PKD1L3: variants seen among roughly 807,000 people sequenced by gnomAD.
PKD1L3 encodes polycystin-1-like protein 3.
A neutral mutation model predicts 184.1 loss-of-function variants in PKD1L3; 239 were observed. The observed-to-expected ratio is 1.30, with a 90% CI of 1.17 to 1.45. The LOEUF (loss-of-function observed/expected upper bound fraction) is 1.45, where lower values mean the gene tolerates loss of function less well. Among genes scored for constraint, PKD1L3 ranks in the 40% most tolerant of loss-of-function variants. PKD1L3 has a pLI of 0.00. For synonymous variants in PKD1L3, 996 were observed against 778.8 expected (o/e 1.28, Z -4.64); for missense variants, 2,660 against 2,067.2 (o/e 1.29, Z -5.56).
intron 16 of PKD1L3, among the ~76,000 whole-genome samples, chr16:71,956,932 A>G (rs115348175): frequency 0.011 from 1,689 of 152,346 alleles, 33 homozygotes; most frequent in African/African-American, 0.037. Context: ...TTAAGAATCT[A>G]TATGATGGAC....
chr16:71,940,326 C>T (rs938116814), intron 24 of PKD1L3, among the ~76,000 whole-genome samples: 1 of 152,018 alleles, frequency 6.6e-6, no homozygotes, highest in African/African-American at 2.4e-5. Flanking sequence ...AGTTTACGTG[C>T]TGCATGGTGA....
intron 15 of PKD1L3, 44 bp downstream of exon 15, chr16:71,967,093 A>T: frequency 6.6e-7 from 1 of 1,510,920 alleles, no homozygotes; most frequent in East Asian, 2.5e-5. Flanking sequence ...TCTCTCTTGG[A>T]TCCACAAAGC....
chr16:71,968,371 T>G (rs2039579997), intron 13 of PKD1L3, among the ~76,000 whole-genome samples: 2 of 152,272 alleles, frequency 1.3e-5, no homozygotes, highest in South Asian at 4.1e-4. Context: ...ACACTTACAC[T>G]AACGATGCAC....
In PKD1L3 at chr16:71,980,114, C is replaced by T; in HGVS notation, c.1164G>A (p.Met388Ile). ...CGATATTCCCAAACTCCACCAAGGA[C>T]ATTTCCAGGATGTCTTCTACCTGCA... Reference protein sequence around the residue: ...HTEPVEDILEMSLVEFGNIGE... With the variant: ...HTEPVEDILEISLVEFGNIGE... Residue 388 changes from methionine (M) to isoleucine (I), a missense_variant, in exon 8 of 30, where the codon ATG (methionine) becomes ATA (isoleucine). Coordinates refer to ENST00000620267, the MANE Select transcript of PKD1L3 (RefSeq NM_181536.2). The T allele has an allele frequency of 6.4e-7, 1 of 1,551,668 alleles. No homozygotes were observed. The highest frequency in any genetic ancestry group is 1.2e-5 in the South Asian group (1 of 84,058).
At chr16:71,934,712 G>C (rs887864228) in intron 26 of PKD1L3, among the ~76,000 whole-genome samples, 2 of 152,062 alleles carry the variant, frequency 1.3e-5, no homozygotes, top group African/African-American at 4.8e-5. Context: ...ACAGACACTA[G>C]CAAGTGGCAC....
At chr16:71,948,825 A>AAAAAAAAAAAT (rs2038720232) in intron 21 of PKD1L3, among the ~76,000 whole-genome samples, 1 of 149,706 alleles carries the variant, frequency 6.7e-6, no homozygotes, top group Non-Finnish European at 1.5e-5. Context: ...AAAAAAAAAA[A>AAAAAAAAAAAT]GTCACTTTTT....
Position 71,998,367 on chromosome 16 carries a change from T to G in PKD1L3, c.323A>C (p.Lys108Thr), listed in dbSNP as rs1654318943. Reference sequence around the variant, plus strand: ...GGACAGGTAGGTGCAGCTGAGGGGCTTTGGGGGCCCGTTGGCTGCAACGTC... The same window carrying G: ...GGACAGGTAGGTGCAGCTGAGGGGCGTTGGGGGCCCGTTGGCTGCAACGTC... ...PADVAANGPP[K>T]PLSCTYLSRN... Residue 108 changes from lysine to threonine, a missense_variant, in exon 2 of 30, where the codon AAG becomes ACG. By Grantham distance (78) the Lys-to-Thr change is moderately conservative. Transcript: ENST00000620267. The G allele has an allele frequency of 6.4e-7, 1 of 1,551,698 alleles. No homozygotes were observed. Among genetic ancestry groups the G allele is most frequent in the African/African-American group, 1.4e-5 (1 of 73,148 alleles).
chr16:71,973,835 C>G (rs2039814345), intron 11 of PKD1L3, among the ~76,000 whole-genome samples: 1 of 151,938 alleles, frequency 6.6e-6, no homozygotes, highest in African/African-American at 2.4e-5. Context: ...AACCCCATCT[C>G]TACTAAAAAT....
intron 28 of PKD1L3, chr16:71,930,823 C>G (rs1185381025): frequency 6.6e-6 from 1 of 152,084 alleles, no homozygotes; most frequent in Non-Finnish European, 1.5e-5. Flanking sequence ...TTTATTTTCC[C>G]TTGGTATTGG....
At chr16:71,992,750 G>A (rs1270348326) in intron 3 of PKD1L3, among the ~76,000 whole-genome samples, 10 of 152,104 alleles carry the variant, frequency 6.6e-5, no homozygotes, top group Non-Finnish European at 1.3e-4. Context: ...GTCATACCCC[G>A]AAGAGTGATC....
At chr16:71,994,301 G>A (rs72787018) in intron 2 of PKD1L3, among the ~76,000 whole-genome samples, 31,595 of 152,014 alleles carry the variant, frequency 0.21, 3,578 homozygotes, top group African/African-American at 0.28. Context: ...ACACCTGGGA[G>A]CCTCCCTCAG....
intron 5 of PKD1L3, 117 bp from the exon 6 acceptor site, chr16:71,984,284 A>G: frequency 1.0e-6 from 1 of 995,928 alleles, no homozygotes; most frequent in African/African-American, 1.6e-5. Flanking sequence ...CCTATGAACC[A>G]CAGCTCTCTA....
intron 26 of PKD1L3, among the ~76,000 whole-genome samples, chr16:71,934,846 G>T (rs2038119420): frequency 6.6e-6 from 1 of 152,186 alleles, no homozygotes; most frequent in African/African-American, 2.4e-5. Context: ...GGTTAGCAAA[G>T]CACCACTTGG....
chr16:71,977,694 G>A (rs1261258451), intron 10 of PKD1L3, among the ~76,000 whole-genome samples: 1 of 151,766 alleles, frequency 6.6e-6, no homozygotes, highest in Non-Finnish European at 1.5e-5. Context: ...ACTGTGCCCA[G>A]CCAGGTCTTC....
At chr16:71,995,008 C>T (rs753045342) in intron 2 of PKD1L3, among the ~76,000 whole-genome samples, 5 of 152,076 alleles carry the variant, frequency 3.3e-5, no homozygotes, top group African/African-American at 7.2e-5. Flanking sequence ...AAACAGTTGA[C>T]TTAAATTTGT....
At chr16:71,996,137 G>C (rs7197866) in intron 2 of PKD1L3, among the ~76,000 whole-genome samples, 10,533 of 151,466 alleles carry the variant, frequency 0.07, 1,230 homozygotes, top group African/African-American at 0.24. Flanking sequence ...CCTTTATCCA[G>C]TTTCCAAGGG....
At chr16:71,934,168 G>T in intron 26 of PKD1L3, 43 bp from the exon 27 acceptor site, 1 of 1,533,478 alleles carries the variant, frequency 6.5e-7, no homozygotes, top group South Asian at 1.2e-5. Context: ...AGAAGTATGT[G>T]CCTATACTGC....
intron 6 of PKD1L3, among the ~76,000 whole-genome samples, 200 bp from the exon 7 acceptor site, chr16:71,982,435 G>A (rs1335818904): frequency 2.0e-5 from 3 of 151,656 alleles, no homozygotes; most frequent in Non-Finnish European, 4.4e-5. Context: ...ACAGGCATGA[G>A]CCACCATGCT....
rs1435614101 is a variant in PKD1L3 at position 71,953,093 on chromosome 16, A to G, written c.2810T>C (p.Met937Thr). The change falls in exon 18 of 30, where the codon ATG becomes ACG. Residue 937 changes from methionine to threonine, a missense_variant and splice_region_variant. By Grantham distance (81) the Met-to-Thr change is moderately conservative. Coordinates refer to ENST00000620267, the MANE Select transcript of PKD1L3 (RefSeq NM_181536.2). ...AGACCAGGCCACAGCAAATGGACGC[A>G]CTGAAAGAAAAGCATGACATCAACT... is the stretch of plus-strand genomic sequence containing the variant. ...NSTTAKRDEQ[M>T]RPFAVAWSEL... is the part of the protein sequence containing the mutation. 1 of 1,448,616 alleles carries G rather than the reference A, an allele frequency of 6.9e-7. No homozygotes were observed. The highest frequency in any genetic ancestry group is 9.1e-7 in the Non-Finnish European group (1 of 1,100,630). 89.7% of individuals were successfully genotyped at this position (1,448,616 alleles called of 1,614,324 possible).
Sources: allele counts gnomAD v4.1 joint callset (sites outside exome capture counted in the v4.1 genomes callset), GRCh38; gene constraint gnomAD v4.1.1; transcripts MANE v1.5; gene names NCBI Gene and HGNC (gene_info 2026-07-23, HGNC 2026-07-21).